Variants in CYREN observed in about 807,000 individuals in gnomAD.
The protein encoded by CYREN is cell cycle regulator of NHEJ, also known as cell cycle regulator of non-homologous end joining.
A neutral mutation model predicts 9.7 loss-of-function variants in CYREN; 7 were observed. That is an observed-to-expected ratio of 0.72 (90% CI 0.41 to 1.36). The LOEUF (loss-of-function observed/expected upper bound fraction) is 1.36. Among genes scored for constraint, CYREN ranks in the 40% most tolerant of loss-of-function variants. The pLI is 0.01. For synonymous variants in CYREN, 76 were observed against 77.9 expected (o/e 0.98, Z 0.13); for missense variants, 215 against 198.1 (o/e 1.09, Z -0.51).
chr7:135,101,412 A>G, intron 2 of CYREN: 2 of 343,666 alleles, frequency 5.8e-6, no homozygotes, highest in Non-Finnish European at 1.2e-5. Flanking sequence ...TAGCTATTTT[A>G]GTCCTGTCTG....
At chr7:135,096,558 A>AAGATAGAT (rs1167936702) in intron 2 of CYREN, among the ~76,000 whole-genome samples, 1,339 of 79,762 alleles carry the variant, frequency 0.017, 53 homozygotes, top group Admixed American at 0.04. Flanking sequence ...GAAAGAAAGA[A>AAGATAGAT]AGATAGATAG....
chr7:135,134,911 T>C, intron 2 of CYREN: 1 of 1,551,124 alleles, frequency 6.4e-7, no homozygotes, highest in East Asian at 2.4e-5. Context: ...AAATCACCCT[T>C]TTGTAATCCA....
At chr7:135,115,795 G>GTT in intron 2 of CYREN, 1 of 543,160 alleles carries the variant, frequency 1.8e-6, no homozygotes, top group Non-Finnish European at 3.2e-6. Context: ...GAAGGAGTAA[G>GTT]TTATCAGGCC....
At position 135,092,641 on chromosome 7, in the gene CYREN, T is replaced by C. The variant is rs201544361; in HGVS notation, n.2298A>G. The C allele has an allele frequency of 1.2e-4, 19 of 152,272 alleles. No individual in the cohort carries two copies. In the East Asian group the frequency reaches 3.5e-3, roughly 28 times the overall value. The allele number at this position is 152,272 out of a possible 1,614,324, so 9.4% of individuals were successfully genotyped here. On this transcript the variant is annotated non_coding_transcript_exon_variant, in exon 3 of 3. Transcript: ENST00000459937. ...AAATGCTACTTATTGTGTTATGGGG[T>C]TACATCGGAGTTGTTTGTGGGTAGG...
rs1402069143 is a variant in CYREN at position 135,165,878 on chromosome 7, A to C, written c.*733T>G. ...TATATTCCTGTCCAAAGCCACACTG[A>C]AAACAGAGGCAGAGACATGTACTCT... On this transcript the variant is annotated 3_prime_UTR_variant, in exon 4 of 4. Coordinates refer to ENST00000393114, the MANE Select transcript of CYREN (RefSeq NM_024033.4). The C allele has an allele frequency of 6.0e-6, 1 of 167,112 alleles. No individual in the cohort carries two copies. The highest frequency in any genetic ancestry group is 1.5e-5 in the Non-Finnish European group (1 of 68,138). The allele number at this position is 167,112 out of a possible 1,614,324, so 10.4% of individuals were successfully genotyped here. A position where few individuals can be genotyped will look rare whatever the true frequency, so the allele number is the denominator to read the frequency against.
In CYREN at chr7:135,168,882, G is replaced by A. The variant is rs1562933122; in HGVS notation, c.41C>T (p.Pro14Leu). The change falls in exon 2 of 4, where the codon CCC becomes CTC. Residue 14 changes from proline (P) to leucine (L), a missense_variant. By Grantham distance (98) the Pro-to-Leu change is moderately conservative (BLOSUM62 -3). Coordinates refer to ENST00000393114, the MANE Select transcript of CYREN (RefSeq NM_024033.4). ...AGCCACCTGGGCTGTCAGCCATGAG[G>A]GAAGGACCCTCGTTTTAGTCTCGGA... ...LQSETKTRVL[P>L]SWLTAQVATK... The A allele has an allele frequency of 6.2e-7, 1 of 1,613,448 alleles. No homozygotes were observed. Among genetic ancestry groups the A allele is most frequent in the Admixed American group, 1.7e-5 (1 of 59,902 alleles).
intron 2 of CYREN, among the ~76,000 whole-genome samples, chr7:135,132,042 C>G (rs1828847509): frequency 6.6e-6 from 1 of 151,726 alleles, no homozygotes; most frequent in Admixed American, 6.6e-5. Flanking sequence ...ATTTTAAAAC[C>G]CTAAAAAAGA....
chr7:135,097,132 A>T (rs1823020995), intron 2 of CYREN, among the ~76,000 whole-genome samples: 1 of 152,220 alleles, frequency 6.6e-6, no homozygotes, highest in South Asian at 2.1e-4. Flanking sequence ...CACATCATTC[A>T]TTCCCTTGAT....
chr7:135,167,048 C>T (rs989378637), intron 3 of CYREN, 177 bp from the exon 4 acceptor site: 8 of 985,086 alleles, frequency 8.1e-6, no homozygotes. Flanking sequence ...TCCCCTGACC[C>T]CCTCTTCACA....
At chr7:135,155,528 T>C (rs1829770925) in intron 2 of CYREN, among the ~76,000 whole-genome samples, 1 of 152,254 alleles carries the variant, frequency 6.6e-6, no homozygotes, top group African/African-American at 2.4e-5. Context: ...GTTTTTGTGA[T>C]GGTGAATATC....
chr7:135,094,894 C>A (rs1469730559), intron 2 of CYREN, among the ~76,000 whole-genome samples: 5 of 152,132 alleles, frequency 3.3e-5, no homozygotes, highest in Non-Finnish European at 7.4e-5. Context: ...CAACAGCTGG[C>A]AAGGAAAAAT....
intron 2 of CYREN, among the ~76,000 whole-genome samples, chr7:135,155,403 G>GTCT (rs1255468980): frequency 6.6e-6 from 1 of 152,126 alleles, no homozygotes; most frequent in African/African-American, 2.4e-5. Context: ...TAGACTCTTT[G>GTCT]TCTTTGCCTT....
At chr7:135,172,460 ATT>A (rs1386001968), upstream of CYREN, among the ~76,000 whole-genome samples, 7 of 55,962 alleles carry the variant, frequency 1.3e-4, no homozygotes, top group Non-Finnish European at 2.4e-4. Context: ...TGAGCGTGGT[ATT>A]TTGTCTGGAA....
intron 2 of CYREN, chr7:135,115,552 G>T (rs978151145): frequency 1.3e-6 from 2 of 1,551,238 alleles, no homozygotes; most frequent in Non-Finnish European, 1.7e-6. Flanking sequence ...CTAAAAACAT[G>T]CAAACCACTC....
chr7:135,103,279 A>G (rs989213161), intron 2 of CYREN, among the ~76,000 whole-genome samples: 1 of 152,156 alleles, frequency 6.6e-6, no homozygotes, highest in Non-Finnish European at 1.5e-5. Context: ...AAAGAAATCA[A>G]ATTATTGAAG....
intron 2 of CYREN, among the ~76,000 whole-genome samples, chr7:135,097,987 T>C (rs1159469802): frequency 6.6e-6 from 1 of 152,180 alleles, no homozygotes; most frequent in African/African-American, 2.4e-5. Flanking sequence ...GTTTAACTTA[T>C]AATGACATTC....
intron 2 of CYREN, among the ~76,000 whole-genome samples, chr7:135,140,068 T>C (rs756833461): frequency 8.0e-6 from 1 of 125,562 alleles, no homozygotes; most frequent in Non-Finnish European, 1.8e-5. Flanking sequence ...TCCACATGAA[T>C]TTTAGAATAG....
chr7:135,129,435 G>A, intron 2 of CYREN: 3 of 784,786 alleles, frequency 3.8e-6, no homozygotes, highest in South Asian at 1.3e-5. Flanking sequence ...GGCACTGGAA[G>A]AGATGGAAAG....
At position 135,096,742 on chromosome 7, in the gene CYREN, TGAAAGAAAGAAAGAAAGAAA is replaced by T. The variant is rs3038284; in HGVS notation, n.357-2180_357-2161del. 7.4e-3 allele frequency among the ~76,000 whole-genome samples: 752 copies of T among 101,180 alleles called. 9 individuals are homozygous for T. Among genetic ancestry groups the T allele is most frequent in the African/African-American group, 0.026 (675 of 26,252 alleles). The allele number at this position is 101,180 out of a possible 152,430, so 66.4% of individuals were successfully genotyped here. ...AAAGAGAAGAAAGAAAGAGAAAGAA[TGAAAGAAAGAAAGAAAGAAA>T]GAAAGAAAGAAAGAAAGAAAGAAAG... is the stretch of plus-strand genomic sequence containing the variant. On this transcript the variant is annotated intron_variant and non_coding_transcript_variant, in intron 2 of 2. Transcript: ENST00000459937.
Sources: gnomAD v4.1 joint callset for allele counts (sites outside exome capture counted in the v4.1 genomes callset) on GRCh38, gnomAD v4.1.1 for gene constraint, MANE v1.5 for transcripts, NCBI Gene and HGNC (gene_info 2026-07-23, HGNC 2026-07-21) for gene names.